The following CAMK1D variants were observed in gnomAD, a reference collection of about 807,000 sequenced individuals.
The protein encoded by CAMK1D is calcium/calmodulin-dependent protein kinase type 1D.
Under a neutral mutation model 47.7 loss-of-function variants are expected in CAMK1D, and 9 were observed. The ratio of observed to expected loss-of-function variants is 0.19; its 90% confidence interval spans 0.11 to 0.33. The LOEUF (loss-of-function observed/expected upper bound fraction) is 0.33, where lower values mean the gene tolerates loss of function less well. CAMK1D is among the 10% of genes least tolerant of loss of function. The pLI is 1.00. For missense variants in CAMK1D, 291 were observed against 488.7 expected (o/e 0.60, Z 3.81); for synonymous variants, 184 against 184.9 (o/e 0.99, Z 0.04).
intron 1 of CAMK1D, among the ~76,000 whole-genome samples, chr10:12,455,689 A>C (rs551212080): frequency 6.6e-6 from 1 of 152,188 alleles, no homozygotes; most frequent in African/African-American, 2.4e-5. Flanking sequence ...GTTTGGGACA[A>C]TATGAAGCAA....
chr10:12,712,973 T>G (rs1833992458), intron 3 of CAMK1D, among the ~76,000 whole-genome samples: 1 of 152,168 alleles, frequency 6.6e-6, no homozygotes, highest in East Asian at 1.9e-4. Flanking sequence ...GGCATGAGCA[T>G]GTAAAAAATA....
At chr10:12,651,707 CTT>C (rs1187822048) in intron 2 of CAMK1D, among the ~76,000 whole-genome samples, 2 of 150,794 alleles carry the variant, frequency 1.3e-5, no homozygotes, top group Non-Finnish European at 3.0e-5. Context: ...TGGACAACTT[CTT>C]TTTTGTTTTT....
At chr10:12,529,462 A>G (rs1187033427) in intron 1 of CAMK1D, among the ~76,000 whole-genome samples, 1 of 152,224 alleles carries the variant, frequency 6.6e-6, no homozygotes, top group East Asian at 1.9e-4. Context: ...GGCACTAGGA[A>G]TAATTATACT....
rs535402304 is a variant in CAMK1D, at chr10:12,813,658, C to T, written c.642-537C>T. On this transcript the variant is annotated intron_variant, in intron 6 of 10. Coordinates refer to ENST00000619168, the MANE Select transcript of CAMK1D (RefSeq NM_153498.4). Reference sequence around the variant, plus strand: ...TGACCCTTTTTGCTATTTATTAAATCGCAGTTTTACTCCTGTGTCACCTAT... The same window carrying T: ...TGACCCTTTTTGCTATTTATTAAATTGCAGTTTTACTCCTGTGTCACCTAT... Among the ~76,000 whole-genome samples the T allele has an allele frequency of 4.0e-5, 6 of 151,796 alleles. No individual in the cohort carries two copies. The South Asian group carries it at 8.3e-4, about 21-fold the overall frequency.
intron 1 of CAMK1D, among the ~76,000 whole-genome samples, chr10:12,350,558 C>T (rs954741330): frequency 1.3e-4 from 15 of 117,578 alleles, no homozygotes; most frequent in African/African-American, 3.9e-4. Flanking sequence ...GTGCGCGTCG[C>T]TGCGCGGGCG....
At chr10:12,589,537 C>T (rs187773641) in intron 2 of CAMK1D, among the ~76,000 whole-genome samples, 21 of 152,282 alleles carry the variant, frequency 1.4e-4, no homozygotes, top group African/African-American at 4.6e-4. Flanking sequence ...TTGGATGATA[C>T]CAGCAGAGCT....
chr10:12,551,355 A>G (rs534315508), intron 1 of CAMK1D, among the ~76,000 whole-genome samples: 4 of 152,322 alleles, frequency 2.6e-5, no homozygotes, highest in Non-Finnish European at 5.9e-5. Flanking sequence ...CATCACCCCC[A>G]GATGGGACCG....
chr10:12,683,741 G>GGTGTGTGTGTGT (rs10554443), intron 3 of CAMK1D, among the ~76,000 whole-genome samples: 30 of 144,980 alleles, frequency 2.1e-4, no homozygotes, highest in African/African-American at 6.4e-4. Flanking sequence ...TAGGAATCCA[G>GGTGTGTGTGTGT]GTGTGTGTGT....
Position 12,777,852 on chromosome 10 carries a change from C to T in CAMK1D, c.565+8053C>T, listed in dbSNP as rs114528754. ...AAGGCTCTTGGGACACCATTTTGAA[C>T]CTTGAGCAAAGAAACTGCTGGAAAG... On this transcript the variant is annotated intron_variant, in intron 5 of 10. Coordinates refer to ENST00000619168, the MANE Select transcript of CAMK1D (RefSeq NM_153498.4). Among the ~76,000 whole-genome samples the T allele has an allele frequency of 5.4e-3, 827 of 152,334 alleles. 13 individuals carry two copies. The highest frequency in any genetic ancestry group is 0.018 in the African/African-American group (756 of 41,582).
intron 2 of CAMK1D, among the ~76,000 whole-genome samples, chr10:12,651,708 T>C (rs1839971453): frequency 1.3e-5 from 2 of 151,184 alleles, no homozygotes; most frequent in Admixed American, 1.3e-4. Context: ...GGACAACTTC[T>C]TTTTTGTTTT....
At chr10:12,537,321 C>T (rs1836007500) in intron 1 of CAMK1D, among the ~76,000 whole-genome samples, 1 of 152,224 alleles carries the variant, frequency 6.6e-6, no homozygotes, top group Non-Finnish European at 1.5e-5. Flanking sequence ...ATCCGCCTGC[C>T]TTGACCTCCC....
At chr10:12,447,365 C>T (rs2132024940) in intron 1 of CAMK1D, among the ~76,000 whole-genome samples, 1 of 152,248 alleles carries the variant, frequency 6.6e-6, no homozygotes, top group South Asian at 2.1e-4. Context: ...CCTCTGCTGG[C>T]CACTGGGCAG....
chr10:12,548,400 T>C (rs186447696), intron 1 of CAMK1D, among the ~76,000 whole-genome samples: 252 of 152,218 alleles, frequency 1.7e-3, no homozygotes, highest in African/African-American at 5.7e-3. Context: ...TATGTTTATC[T>C]TTTTATTGCA....
At chr10:12,724,293 C>CT (rs1269672938) in intron 3 of CAMK1D, among the ~76,000 whole-genome samples, 1 of 152,170 alleles carries the variant, frequency 6.6e-6, no homozygotes, top group African/African-American at 2.4e-5. Flanking sequence ...GTGTTTCTAT[C>CT]TTTTTGTCTT....
At chr10:12,428,894 G>GGCTGTC (rs1203813215) in intron 1 of CAMK1D, among the ~76,000 whole-genome samples, 1 of 152,198 alleles carries the variant, frequency 6.6e-6, no homozygotes, top group Non-Finnish European at 1.5e-5. Flanking sequence ...GCAAGAAGGT[G>GGCTGTC]GCTGTCCATA....
chr10:12,775,046 G>T (rs1168817495), intron 5 of CAMK1D, among the ~76,000 whole-genome samples: 1 of 151,096 alleles, frequency 6.6e-6, no homozygotes, highest in African/African-American at 2.4e-5. Flanking sequence ...CTGTGAGAAG[G>T]CTCAGGCATT....
rs117051718 is a variant in CAMK1D at position 12,408,322 on chromosome 10, C to T, written c.92+58412C>T. 1.3e-3 allele frequency among the ~76,000 whole-genome samples: 197 copies of T among 152,036 alleles called. 4 individuals carry two copies. The highest frequency in any genetic ancestry group is 7.2e-3 in the East Asian group (37 of 5,150). ...GACTACAGGCGCCCGCTACCTCGCC[C>T]GGCTAATTTTTTTGGATTTTTTTAG... On this transcript the variant is annotated intron_variant, in intron 1 of 10. Coordinates refer to ENST00000619168, the MANE Select transcript of CAMK1D (RefSeq NM_153498.4).
chr10:12,740,039 C>T (rs1017270973), intron 3 of CAMK1D, among the ~76,000 whole-genome samples: 14 of 152,150 alleles, frequency 9.2e-5, no homozygotes, highest in African/African-American at 3.4e-4. Flanking sequence ...GAGGTAGGAA[C>T]CGAGTAGTTC....
intron 1 of CAMK1D, among the ~76,000 whole-genome samples, chr10:12,530,558 T>C (rs1194873449): frequency 6.6e-6 from 1 of 152,156 alleles, no homozygotes; most frequent in Non-Finnish European, 1.5e-5. Flanking sequence ...GTCTAACCAA[T>C]GGAGAAGTAC....
Sources: allele counts gnomAD v4.1 joint callset (sites outside exome capture counted in the v4.1 genomes callset), GRCh38; gene constraint gnomAD v4.1.1; transcripts MANE v1.5; gene names NCBI Gene and HGNC (gene_info 2026-07-23, HGNC 2026-07-21).